UVSSA: variants seen among roughly 807,000 people sequenced by gnomAD.
UVSSA encodes UV-stimulated scaffold protein A.
A neutral mutation model predicts 73.9 loss-of-function variants in UVSSA; 72 were observed. That is an observed-to-expected ratio of 0.97 (90% CI 0.81 to 1.19). The LOEUF (loss-of-function observed/expected upper bound fraction) is 1.19. Ranked by LOEUF, UVSSA falls within the 50% of genes most tolerant of loss-of-function variation. The pLI is 0.00. For synonymous variants in UVSSA, 454 were observed against 391.3 expected, an observed-to-expected ratio of 1.16 and a Z score of -1.89; for missense variants, 1,150 against 965.0, an observed-to-expected ratio of 1.19 and a Z score of -2.54.
rs1714800116 is a variant in UVSSA at position 1,351,816 on chromosome 4, G to A, written c.531G>A (p.Gln177=). The A allele has an allele frequency of 6.2e-7, 1 of 1,613,520 alleles. No homozygotes were observed. Among genetic ancestry groups the A allele is most frequent in the Non-Finnish European group, 8.5e-7 (1 of 1,179,738 alleles). Residue 177 remains glutamine (Q), a synonymous_variant, in exon 4 of 14, where the codon CAG becomes CAA. Transcript: ENST00000389851. ...AAATTTATCAAGAAAGAGCCAGCCA[G>A]GCGGAGAGGGAGATGCAAGGCAAGT... is the stretch of plus-strand genomic sequence containing the variant. ...LDKIYQERAS[Q]AEREMQEMSG...
In UVSSA at chr4:1,355,157, G is replaced by C; in HGVS notation, c.1088G>C (p.Arg363Pro). The change falls in exon 7 of 14, where the codon CGT becomes CCT. Residue 363 changes from arginine to proline, a missense_variant. Coordinates refer to ENST00000389851, the MANE Select transcript of UVSSA (RefSeq NM_020894.4). ...RVGTHGGCLK[R>P]AIDLKAELEL... is the part of the protein sequence containing the mutation. ...GGGACCCACGGTGGATGTTTAAAGC[G>C]TGCCATTGACCTGAAGGCTGAATTG... The C allele has an allele frequency of 6.2e-7, 1 of 1,613,886 alleles. No individual in the cohort carries two copies. The highest frequency in any genetic ancestry group is 8.5e-7 in the Non-Finnish European group (1 of 1,179,916).
At chr4:1,380,326 G>C in intron 11 of UVSSA, 96 bp downstream of exon 11, 1 of 1,427,174 alleles carries the variant, frequency 7.0e-7, no homozygotes, top group Non-Finnish European at 9.4e-7. Flanking sequence ...CCCTGGGTCA[G>C]GGTGCTTGTG....
chr4:1,344,930 G>A (rs150928140), upstream of UVSSA, among the ~76,000 whole-genome samples: 53 of 152,286 alleles, frequency 3.5e-4, no homozygotes, highest in African/African-American at 1.1e-3. Flanking sequence ...AGAGGGATCC[G>A]CTCCCCAGAG....
intron 10 of UVSSA, 44 bp from the exon 11 acceptor site, chr4:1,380,000 TCTG>T: frequency 6.5e-7 from 1 of 1,548,166 alleles, no homozygotes; most frequent in Non-Finnish European, 8.7e-7. Context: ...GCCACGCTCT[TCTG>T]GGGTCCCTGC....
At chr4:1,342,640 A>G (rs747129492), upstream of UVSSA, among the ~76,000 whole-genome samples, 1 of 152,214 alleles carries the variant, frequency 6.6e-6, no homozygotes, top group Admixed American at 6.5e-5. Flanking sequence ...TCTGTAACAC[A>G]TCTCTTAACT....
rs1577292574 is a variant in UVSSA at position 1,353,208 on chromosome 4, T to G, written c.729T>G (p.Pro243=). The G allele has an allele frequency of 6.2e-7, 1 of 1,612,552 alleles. No homozygotes were observed. The highest frequency in any genetic ancestry group is 8.5e-7 in the Non-Finnish European group (1 of 1,179,884). ...GQVGPCRSGT[P]DPRDGEQPCC... ...TGGGCCCCTGCCGGTCTGGCACCCC[T>G]GACCCCCGGGACGGGGAGCAGCCCT... Residue 243 remains proline, a synonymous_variant, in exon 5 of 14, where the codon CCT becomes CCG. Coordinates refer to ENST00000389851, the MANE Select transcript of UVSSA (RefSeq NM_020894.4).
chr4:1,380,882 C>A lies in UVSSA; in HGVS notation c.1755C>A (p.Cys585Ter). Residue 585 changes from cysteine (C) to a stop codon, truncating the protein, a stop_gained and splice_region_variant, in exon 12 of 14, where the codon TGC becomes TGA. Coordinates refer to ENST00000389851, the MANE Select transcript of UVSSA (RefSeq NM_020894.4). LOFTEE classifies it high-confidence loss of function. ...RLCERQDRLK[C>*]PFHGKIVPRD... Reference sequence around the variant, plus strand: ...GCCACCGTGTCCTCGCTGTGCAGTGCCCTTTCCATGGGAAGATTGTTCCAC... The same window carrying A: ...GCCACCGTGTCCTCGCTGTGCAGTGACCTTTCCATGGGAAGATTGTTCCAC... 6.2e-7 allele frequency: 1 copy of A among 1,612,704 alleles called. No individual in the cohort carries two copies. Among genetic ancestry groups the A allele is most frequent in the Non-Finnish European group, 8.5e-7 (1 of 1,179,750 alleles).
chr4:1,345,025 T>C (rs185489644), upstream of UVSSA, among the ~76,000 whole-genome samples: 99 of 152,300 alleles, frequency 6.5e-4, no homozygotes, highest in Non-Finnish European at 1.2e-3. Context: ...GGTTTTGCCT[T>C]GCCCTGGGAT....
At chr4:1,364,528 C>T (rs188770893) in intron 7 of UVSSA, among the ~76,000 whole-genome samples, 47 of 152,346 alleles carry the variant, frequency 3.1e-4, no homozygotes, top group African/African-American at 8.2e-4. Flanking sequence ...CGATCGCAGG[C>T]GCCTTTGAGG....
chr4:1,368,873 G>A (rs562422486), intron 8 of UVSSA, among the ~76,000 whole-genome samples: 1 of 152,378 alleles, frequency 6.6e-6, no homozygotes, highest in Admixed American at 6.5e-5. Context: ...TTTCGCTGCA[G>A]CCGCAGGTCC....
chr4:1,354,793 C>CA lies in UVSSA; in HGVS notation c.994dup (p.Thr332AsnfsTer35). On this transcript the variant is annotated frameshift_variant, in exon 6 of 14. Transcript: ENST00000389851. LOFTEE classifies it high-confidence loss of function. Reference sequence around the variant, plus strand: ...TTGCTCTCATCCACGCCGCCCGCGACACACTCAAGCTCATCCGGAACAAGT... The same window carrying CA: ...TTGCTCTCATCCACGCCGCCCGCGACAACACTCAAGCTCATCCGGAACAAGT... 6.2e-7 allele frequency: 1 copy of CA among 1,613,636 alleles called. No homozygotes were observed. The highest frequency in any genetic ancestry group is 8.5e-7 in the Non-Finnish European group (1 of 1,179,968).
chr4:1,389,339 G>A (rs1048142669), downstream of UVSSA: 2 of 152,122 alleles, frequency 1.3e-5, no homozygotes, highest in African/African-American at 4.8e-5. Context: ...AGGACCACAG[G>A]CATGCACCAC....
chr4:1,394,528 T>C, exon 14 of UVSSA: 1 of 1,525,100 alleles, frequency 6.6e-7, no homozygotes, highest in Non-Finnish European at 8.8e-7. Context: ...GAGCCCTCGC[T>C]TTGTGCCAAT....
At chr4:1,393,271 T>G (rs963538577) in exon 14 of UVSSA, 2 of 152,260 alleles carry the variant, frequency 1.3e-5, no homozygotes, top group Admixed American at 6.5e-5. Flanking sequence ...AACTTCCATT[T>G]GGCTCTCTCC....
intron 7 of UVSSA, among the ~76,000 whole-genome samples, chr4:1,364,746 C>T (rs1717089747): frequency 6.6e-6 from 1 of 152,050 alleles, no homozygotes; most frequent in African/African-American, 2.4e-5. Flanking sequence ...CTGGGGGCAT[C>T]TCCACCCTGG....
exon 14 of UVSSA, chr4:1,394,567 C>CATGTGGAGTGCCCGCCTGCTCACGTGCCG (rs1720476323): frequency 6.6e-7 from 1 of 1,512,786 alleles, no homozygotes; most frequent in Non-Finnish European, 8.9e-7. Context: ...CACACGTGCC[C>CATGTGGAGTGCCCGCCTGCTCACGTGCCG]ATGTGGAGTG....
chr4:1,362,349 T>C (rs906455835), intron 7 of UVSSA, among the ~76,000 whole-genome samples: 1 of 152,158 alleles, frequency 6.6e-6, no homozygotes, highest in Admixed American at 6.5e-5. Context: ...CTTGGGAGGC[T>C]TCCAATGCCC....
intron 3 of UVSSA, 128 bp from the exon 4 acceptor site, chr4:1,351,587 C>T: frequency 1.0e-6 from 1 of 965,508 alleles, no homozygotes; most frequent in Non-Finnish European, 1.5e-6. Flanking sequence ...GATGGGGTTT[C>T]ACCGTGTTAG....
intron 8 of UVSSA, among the ~76,000 whole-genome samples, chr4:1,366,869 T>C (rs1577337313): frequency 6.6e-6 from 1 of 152,162 alleles, no homozygotes; most frequent in East Asian, 1.9e-4. Context: ...CTCTGTGCCA[T>C]CCGCAGCCCT....
Sources: gnomAD v4.1 joint callset for allele counts (sites outside exome capture counted in the v4.1 genomes callset) on GRCh38, gnomAD v4.1.1 for gene constraint, MANE v1.5 for transcripts, NCBI Gene and HGNC (gene_info 2026-07-23, HGNC 2026-07-21) for gene names.